TEX2: variants seen among roughly 807,000 people sequenced by gnomAD.
TEX2 encodes the protein testis-expressed protein 2.
A neutral mutation model predicts 106.9 loss-of-function variants in TEX2; 53 were observed. That is an observed-to-expected ratio of 0.50 (90% CI 0.40 to 0.62). The LOEUF is 0.62. TEX2 is among the 20% of genes least tolerant of loss of function. The pLI is 0.00. For missense variants in TEX2, 1,207 were observed against 1,379.0 expected (o/e 0.88, Z 1.98); for synonymous variants, 523 against 534.8 (o/e 0.98, Z 0.30).
chr17:64,197,136 G>T (rs1201300061), intron 2 of TEX2, among the ~76,000 whole-genome samples: 3 of 151,834 alleles, frequency 2.0e-5, no homozygotes, highest in East Asian at 1.9e-4. Context: ...GAAAATGCAG[G>T]TAAGTGCATT....
intron 7 of TEX2, among the ~76,000 whole-genome samples, chr17:64,170,536 C>G (rs539521068): frequency 1.3e-5 from 2 of 149,836 alleles, no homozygotes; most frequent in East Asian, 4.0e-4. Context: ...CATCAGCTGG[C>G]ATGTGTGCAT....
chr17:64,234,379 C>G (rs16947591), intron 1 of TEX2, among the ~76,000 whole-genome samples: 1 of 152,176 alleles, frequency 6.6e-6, no homozygotes, highest in Non-Finnish European at 1.5e-5. Flanking sequence ...AGATGATTAG[C>G]GTTGAGTTTG....
chr17:64,219,516 A>ATATAAAATAAAATAAAAT, intron 1 of TEX2, among the ~76,000 whole-genome samples: 9 of 139,284 alleles, frequency 6.5e-5, no homozygotes, highest in South Asian at 2.2e-4. Context: ...ATCAAATAAA[A>ATATAAAATAAAATAAAAT]TAAAATAAAA....
intron 1 of TEX2, among the ~76,000 whole-genome samples, chr17:64,262,780 C>T (rs1344611174): frequency 2.6e-5 from 4 of 152,234 alleles, no homozygotes; most frequent in Non-Finnish European, 5.9e-5. Flanking sequence ...AAGCATTTCG[C>T]GTCGCCGGTG....
intron 2 of TEX2, among the ~76,000 whole-genome samples, chr17:64,203,537 A>G (rs2032737334): frequency 6.6e-6 from 1 of 152,228 alleles, no homozygotes; most frequent in Non-Finnish European, 1.5e-5. Flanking sequence ...TCAGTATCAG[A>G]AACACAGCAC....
rs1470905518 is a variant in TEX2 at position 64,217,278 on chromosome 17, G to A, written c.-25-3036C>T. The stretch of plus-strand genomic sequence containing the variant: ...GTTCCCTCTTCTCTCTGTCCTCCCA[G>A]TGGCTGGCTGCTAAGGCCAACTGAG... On this transcript the variant is annotated intron_variant, in intron 1 of 11. Transcript: ENST00000584379. This position sits in a 1 kb window ranked among gnomAD's most constrained non-coding sequence, Gnocchi z 4.3. 6.6e-6 allele frequency among the ~76,000 whole-genome samples: 1 copy of A among 152,098 alleles called. No individual in the cohort carries two copies. The highest frequency in any genetic ancestry group is 1.5e-5 in the Non-Finnish European group (1 of 68,024).
Position 64,177,305 on chromosome 17 carries a change from T to C in TEX2, c.2571+20A>G, listed in dbSNP as rs368511627. 6.2e-6 allele frequency: 10 copies of C among 1,613,786 alleles called. No homozygotes were observed. In the African/African-American group the frequency reaches 9.3e-5, roughly 15 times the overall value. ...GAAGAAGTATAGAGGATTAGAAGCC[T>C]CTTGTGTGGAAAGTGATACCTTTAT... On this transcript the variant is annotated intron_variant, in intron 6 of 11. Coordinates refer to ENST00000584379, the MANE Select transcript of TEX2 (RefSeq NM_001288732.2).
chr17:64,177,441 C>A lies in TEX2; in HGVS notation c.2455G>T (p.Glu819Ter). The A allele has an allele frequency of 6.2e-7, 1 of 1,614,158 alleles. No homozygotes were observed. The highest frequency in any genetic ancestry group is 8.5e-7 in the Non-Finnish European group (1 of 1,180,018). ...LPEVPPSEEE[E>*]QEAWVNALLG... ...AAGGCATTCACCCAGGCTTCCTGTT[C>A]TTCCTCCTCAGAGGGTGGAACCTCT... The change falls in exon 6 of 12, where the codon GAA becomes TAA. Residue 819 changes from glutamate (E) to a stop codon, truncating the protein, a stop_gained. Coordinates refer to ENST00000584379, the MANE Select transcript of TEX2 (RefSeq NM_001288732.2). LOFTEE classifies it high-confidence loss of function.
rs60956243 is a variant in TEX2, at chr17:64,206,550, CTTTTTTTTT to C, written c.1644+6015_1644+6023del. Among the ~76,000 whole-genome samples the C allele has an allele frequency of 4.8e-4, 37 of 77,204 alleles. No homozygotes were observed. The South Asian group carries it at 0.018, about 37-fold the overall frequency. 50.6% of individuals were successfully genotyped at this position (77,204 alleles called of 152,430 possible). A position where few individuals can be genotyped will look rare whatever the true frequency, so the allele number is the denominator to read the frequency against. ...GCTCTTTGGCCACATAGAGGTCTTA[CTTTTTTTTT>C]TTTTTTTTTTTTTTTTTTGAGACGG... On this transcript the variant is annotated intron_variant, in intron 2 of 11. Coordinates refer to ENST00000584379, the MANE Select transcript of TEX2 (RefSeq NM_001288732.2).
chr17:64,188,266 A>G lies in TEX2; in HGVS notation c.2326T>C (p.Tyr776His). ...GSVRQKMLLD[Y>H]SVYMGRCVPQ... The stretch of plus-strand genomic sequence containing the variant: ...ACACACCTGCCCATGTACACGCTGT[A>G]GTCGAGAAGCATCTTCTGCCGCACG... Residue 776 changes from tyrosine (Y) to histidine (H), a missense_variant, in exon 5 of 12, where the codon TAC (tyrosine) becomes CAC (histidine). This residue lies in a region of TEX2 where 1,067 missense variants were observed against 1,193.6 expected (regional missense o/e 0.89). Coordinates refer to ENST00000584379, the MANE Select transcript of TEX2 (RefSeq NM_001288732.2). 1 of 1,614,044 alleles carries G rather than the reference A, an allele frequency of 6.2e-7. No homozygotes were observed. Among genetic ancestry groups the G allele is most frequent in the African/African-American group, 1.3e-5 (1 of 75,040 alleles).
At chr17:64,161,067 A>G (rs2030863022) in intron 7 of TEX2, 134 bp from the exon 8 acceptor site, 2 of 899,378 alleles carry the variant, frequency 2.2e-6, no homozygotes, top group East Asian at 5.3e-5. Context: ...CTAGTTGAGA[A>G]GAGGACTGAG....
At chr17:64,204,043 C>G (rs2032754673) in intron 2 of TEX2, among the ~76,000 whole-genome samples, 1 of 152,134 alleles carries the variant, frequency 6.6e-6, no homozygotes, top group African/African-American at 2.4e-5. Context: ...CTGAAATGAC[C>G]AAGGTCTGAG....
intron 7 of TEX2, among the ~76,000 whole-genome samples, chr17:64,161,475 C>T (rs1461387092): frequency 3.9e-5 from 6 of 152,150 alleles, no homozygotes; most frequent in Admixed American, 3.3e-4. Context: ...GTGACAAAAA[C>T]GTTTAAGACC....
At chr17:64,151,383 C>T (rs1161708233) in intron 10 of TEX2, among the ~76,000 whole-genome samples, 1 of 152,126 alleles carries the variant, frequency 6.6e-6, no homozygotes, top group Non-Finnish European at 1.5e-5. Context: ...ATGTCATCCC[C>T]AAGAGAGGAC....
At chr17:64,164,239 A>AC (rs1195134008) in intron 7 of TEX2, among the ~76,000 whole-genome samples, 1 of 152,078 alleles carries the variant, frequency 6.6e-6, no homozygotes, top group Non-Finnish European at 1.5e-5. Flanking sequence ...GGAGTTCAAG[A>AC]CCAGCCTGGC....
chr17:64,235,623 G>A (rs537691151), intron 1 of TEX2, among the ~76,000 whole-genome samples: 1 of 152,266 alleles, frequency 6.6e-6, no homozygotes, highest in East Asian at 1.9e-4. Context: ...GTAAAAAGCT[G>A]CCTATTAGGG....
chr17:64,188,060 G>A, intron 5 of TEX2, 108 bp downstream of exon 5: 4 of 1,313,142 alleles, frequency 3.0e-6, no homozygotes, highest in Non-Finnish European at 4.2e-6. Context: ...TCTGTCTTGT[G>A]TACCACTGTT....
chr17:64,209,465 G>C (rs567455242), intron 2 of TEX2, among the ~76,000 whole-genome samples: 1 of 152,248 alleles, frequency 6.6e-6, no homozygotes, highest in East Asian at 1.9e-4. Context: ...TTAAGGCTAA[G>C]AATGAAAAAA....
intron 1 of TEX2, among the ~76,000 whole-genome samples, chr17:64,261,624 G>T (rs782765259): frequency 3.3e-5 from 5 of 152,126 alleles, no homozygotes; most frequent in East Asian, 1.9e-4. Flanking sequence ...TTCCTCTCAG[G>T]CACAGTGCCT....
Sources: allele counts gnomAD v4.1 joint callset (sites outside exome capture counted in the v4.1 genomes callset), GRCh38; gene constraint gnomAD v4.1.1; regional missense constraint gnomAD v4.1.1; non-coding constraint Gnocchi (gnomAD v3.1); transcripts MANE v1.5; gene names NCBI Gene and HGNC (gene_info 2026-07-23, HGNC 2026-07-21).